XCR1: variants seen among roughly 807,000 people sequenced by gnomAD.
XCR1 encodes X-C motif chemokine receptor 1, also known as chemokine XC receptor 1.
For missense variants in XCR1, 356 were observed against 424.2 expected (o/e 0.84, Z 1.41); for synonymous variants, 187 against 188.5 (o/e 0.99, Z 0.06).
chr3:46,082,496 T>C (rs1698388491), intron 1 of XCR1, among the ~76,000 whole-genome samples: 1 of 148,022 alleles, frequency 6.8e-6, no homozygotes, highest in Admixed American at 6.7e-5. Flanking sequence ...TTTTTTTTTT[T>C]TTCCTTTTTT....
chr3:46,083,641 C>G (rs1023119671), intron 1 of XCR1, among the ~76,000 whole-genome samples: 4 of 152,182 alleles, frequency 2.6e-5, no homozygotes, highest in African/African-American at 9.7e-5. Context: ...GGAAACATTG[C>G]TGATGAAACT....
At chr3:46,066,087 A>G (rs1698064511) in intron 4 of XCR1, among the ~76,000 whole-genome samples, 2 of 152,168 alleles carry the variant, frequency 1.3e-5, no homozygotes, top group Admixed American at 1.3e-4. Flanking sequence ...GAGCGAGGGT[A>G]GTAAGCACAG....
Position 46,040,207 on chromosome 3 carries a change from G to A in XCR1, c.-32+13713C>T, listed in dbSNP as rs78577301. Among the ~76,000 whole-genome samples the A allele has an allele frequency of 3.7e-3, 559 of 152,118 alleles. 3 individuals are homozygous for A. Among genetic ancestry groups the A allele is most frequent in the African/African-American group, 0.012 (516 of 41,520 alleles). Reference sequence around the variant, plus strand: ...TATTAGGTCTTACTGTATAGGAAACGGACTCCTCTTTATCAAAGAGTAAAC... The same window carrying A: ...TATTAGGTCTTACTGTATAGGAAACAGACTCCTCTTTATCAAAGAGTAAAC... On this transcript the variant is annotated intron_variant, in intron 5 of 5. Coordinates refer to the XCR1 transcript ENST00000683768.
chr3:46,040,512 G>C (rs1212161660), intron 5 of XCR1, among the ~76,000 whole-genome samples: 4 of 152,008 alleles, frequency 2.6e-5, no homozygotes, highest in Admixed American at 2.0e-4. Flanking sequence ...CTTTCTTTGG[G>C]TTATAGTTAT....
chr3:46,044,416 T>G (rs1481543554), intron 5 of XCR1, among the ~76,000 whole-genome samples: 1 of 152,190 alleles, frequency 6.6e-6, no homozygotes, highest in Non-Finnish European at 1.5e-5. Context: ...CCACTTTTAA[T>G]TAGGTTGTCA....
chr3:46,026,586 CTTT>C (rs113662841), intron 1 of XCR1, among the ~76,000 whole-genome samples: 7 of 142,850 alleles, frequency 4.9e-5, no homozygotes, highest in African/African-American at 1.5e-4. Context: ...TCTTCTTCTT[CTTT>C]TTTTTTTTTT....
At chr3:46,040,206 C>T (rs576891020) in intron 5 of XCR1, among the ~76,000 whole-genome samples, 3 of 152,048 alleles carry the variant, frequency 2.0e-5, no homozygotes, top group Non-Finnish European at 2.9e-5. Context: ...GTATAGGAAA[C>T]GGACTCCTCT....
chr3:46,048,305 G>T (rs1697673176), intron 5 of XCR1, among the ~76,000 whole-genome samples: 1 of 152,136 alleles, frequency 6.6e-6, no homozygotes, highest in Admixed American at 6.5e-5. Flanking sequence ...ATATGTTTTT[G>T]CTTCTGCACA....
exon 2 of XCR1, among the ~76,000 whole-genome samples, chr3:46,076,915 CCT>C (rs1477927638): frequency 6.6e-6 from 1 of 152,086 alleles, no homozygotes; most frequent in East Asian, 1.9e-4. Flanking sequence ...AAAGCTGACC[CCT>C]GTGTGAGCAC....
At chr3:46,054,345 C>A (rs779978835) in intron 4 of XCR1, among the ~76,000 whole-genome samples, 26 of 152,092 alleles carry the variant, frequency 1.7e-4, no homozygotes, top group Admixed American at 2.6e-4. Flanking sequence ...CCTCAGCAAA[C>A]CTTCTGGCAG....
intron 5 of XCR1, among the ~76,000 whole-genome samples, chr3:46,038,159 C>G (rs1023025635): frequency 4.0e-5 from 6 of 151,872 alleles, no homozygotes; most frequent in East Asian, 3.9e-4. Context: ...TCCCAAGTAG[C>G]TGAGATTACA....
At chr3:46,027,591 AG>A (rs1243748494), upstream of XCR1, 1 of 152,294 alleles carries the variant, frequency 6.6e-6, no homozygotes, top group African/African-American at 2.4e-5. Context: ...GAGAGGAGGA[AG>A]GAAGAAGCCA....
At chr3:46,061,182 C>T (rs1390347900) in intron 4 of XCR1, among the ~76,000 whole-genome samples, 3 of 152,284 alleles carry the variant, frequency 2.0e-5, no homozygotes, top group South Asian at 2.1e-4. Context: ...AAGAACAAAA[C>T]ACTGCCTCTT....
At chr3:46,048,121 G>T (rs1697670139) in intron 5 of XCR1, among the ~76,000 whole-genome samples, 1 of 152,136 alleles carries the variant, frequency 6.6e-6, no homozygotes, top group Non-Finnish European at 1.5e-5. Flanking sequence ...TACACAAAGG[G>T]AGCCCTTCCA....
At chr3:46,063,560 T>C (rs918780953) in intron 4 of XCR1, among the ~76,000 whole-genome samples, 1 of 152,078 alleles carries the variant, frequency 6.6e-6, no homozygotes, top group Non-Finnish European at 1.5e-5. Flanking sequence ...ACATCAGTCC[T>C]CAGAAGCACA....
intron 5 of XCR1, among the ~76,000 whole-genome samples, chr3:46,040,122 A>C (rs1697511884): frequency 6.6e-6 from 1 of 152,192 alleles, no homozygotes; most frequent in South Asian, 2.1e-4. Flanking sequence ...CCTTTTGAGT[A>C]AAACCACAGA....
chr3:46,022,458 T>C (rs1269671787), intron 1 of XCR1, among the ~76,000 whole-genome samples: 1 of 152,238 alleles, frequency 6.6e-6, no homozygotes, highest in East Asian at 1.9e-4. Context: ...TATTCCTATC[T>C]GTCATGTTGG....
chr3:46,045,845 A>AGCTT (rs1697615378), intron 5 of XCR1, among the ~76,000 whole-genome samples: 2 of 152,212 alleles, frequency 1.3e-5, no homozygotes, highest in African/African-American at 4.8e-5. Context: ...CTACCGTTGG[A>AGCTT]TCCTGCAATC....
intron 4 of XCR1, among the ~76,000 whole-genome samples, chr3:46,061,695 C>A (rs550365119): frequency 1.3e-5 from 2 of 152,142 alleles, no homozygotes; most frequent in African/African-American, 4.8e-5. Flanking sequence ...AGCCTGGGGT[C>A]CTGCGAGGGG....
Sources: allele counts gnomAD v4.1 joint callset (sites outside exome capture counted in the v4.1 genomes callset), GRCh38; gene constraint gnomAD v4.1.1; transcripts MANE v1.5; gene names NCBI Gene and HGNC (gene_info 2026-07-23, HGNC 2026-07-21).